The following DIAPH3 variants were observed in gnomAD, a reference collection of about 807,000 sequenced individuals.
The protein encoded by DIAPH3 is protein diaphanous homolog 3.
Under a neutral mutation model 144.3 loss-of-function variants are expected in DIAPH3, and 117 were observed. The ratio of observed to expected loss-of-function variants is 0.81; its 90% CI spans 0.70 to 0.95. The LOEUF is 0.95. DIAPH3 is among the 40% of genes least tolerant of loss of function. The probability of loss-of-function intolerance (pLI) is 0.00; values close to 1 mark genes in which losing one functional copy is unlikely to be tolerated. For missense variants in DIAPH3, 1,421 were observed against 1,412.7 expected (o/e 1.01, Z -0.09); for synonymous variants, 519 against 488.9 (o/e 1.06, Z -0.81).
chr13:60,005,393 T>C (rs2052793691), intron 9 of DIAPH3, among the ~76,000 whole-genome samples: 1 of 152,198 alleles, frequency 6.6e-6, no homozygotes, highest in African/African-American at 2.4e-5. Context: ...ATGGGGACTT[T>C]CTTTTGGGTG....
chr13:59,960,092 A>G (rs946513479), intron 17 of DIAPH3, among the ~76,000 whole-genome samples: 2 of 152,188 alleles, frequency 1.3e-5, no homozygotes, highest in African/African-American at 4.8e-5. Flanking sequence ...ACAGAATGTA[A>G]AATTCTAAGG....
intron 27 of DIAPH3, among the ~76,000 whole-genome samples, chr13:59,737,066 C>T (rs770396313): frequency 3.3e-5 from 5 of 152,106 alleles, no homozygotes; most frequent in Non-Finnish European, 7.4e-5. Context: ...ACAACCTAGG[C>T]AATACCATTC....
Position 59,879,446 on chromosome 13 carries a change from C to T in DIAPH3, c.2390G>A (p.Arg797Gln), listed in dbSNP as rs765155532. The change falls in exon 21 of 28, where the codon CGG (arginine) becomes CAG (glutamine). Residue 797 changes from arginine to glutamine, a missense_variant. Transcript: ENST00000400324. ...VVVMSNVKRLRPRLSAILFKL... is the reference protein window; with the variant it reads ...VVVMSNVKRLQPRLSAILFKL... ...AAAGAGAATAGCACTGAGCCGTGGC[C>T]GTAGTCTCTTCACATTGCTCATCTG... 61 of 1,613,512 alleles carry T rather than the reference C, an allele frequency of 3.8e-5. No individual in the cohort carries two copies. The highest frequency in any genetic ancestry group is 4.5e-5 in the Non-Finnish European group (53 of 1,179,744).
intron 12 of DIAPH3, among the ~76,000 whole-genome samples, chr13:59,987,848 A>C (rs1023157276): frequency 1.3e-5 from 2 of 151,886 alleles, no homozygotes; most frequent in Non-Finnish European, 2.9e-5. Context: ...AATGTAAATA[A>C]AACAGATAAA....
intron 4 of DIAPH3, among the ~76,000 whole-genome samples, chr13:60,067,293 AAAAG>A (rs934935407): frequency 3.9e-5 from 6 of 152,146 alleles, no homozygotes; most frequent in African/African-American, 1.2e-4. Flanking sequence ...TCAAAAAAAA[AAAAG>A]AAAGAAAATT....
At position 60,009,146 on chromosome 13, in the gene DIAPH3, A is replaced by C. The variant is rs1241754741; in HGVS notation, c.909-497T>G. ...TCACAAGTTTAAGTAAATGAAGCTG[A>C]GTGATAGTCGAAAATATATAATAGT... On this transcript the variant is annotated intron_variant, in intron 8 of 27. Transcript: ENST00000400324. Among the ~76,000 whole-genome samples, 3 of 152,324 alleles carry C rather than the reference A, an allele frequency of 2.0e-5. No homozygotes were observed. In the East Asian group the frequency reaches 5.8e-4, roughly 29 times the overall value.
intron 24 of DIAPH3, among the ~76,000 whole-genome samples, chr13:59,811,879 G>A (rs2040496064): frequency 6.6e-6 from 1 of 151,628 alleles, no homozygotes; most frequent in African/African-American, 2.4e-5. Flanking sequence ...TTTCTTAAGT[G>A]TTATACACAT....
chr13:60,066,701 C>T (rs1211873559), intron 4 of DIAPH3, among the ~76,000 whole-genome samples: 1 of 152,164 alleles, frequency 6.6e-6, no homozygotes, highest in Non-Finnish European at 1.5e-5. Context: ...ATAATCCCTG[C>T]CCTCAATGAA....
At chr13:59,789,070 GT>G (rs1315234998) in intron 25 of DIAPH3, among the ~76,000 whole-genome samples, 1 of 152,226 alleles carries the variant, frequency 6.6e-6, no homozygotes, top group Admixed American at 6.5e-5. Context: ...TCGACCTTGT[GT>G]GTTATGTAGG....
At chr13:59,909,400 A>G (rs185962878) in intron 20 of DIAPH3, among the ~76,000 whole-genome samples, 41 of 149,748 alleles carry the variant, frequency 2.7e-4, no homozygotes, top group African/African-American at 9.1e-4. Flanking sequence ...CAGGTTTCCC[A>G]CTTCTCTTTG....
intron 21 of DIAPH3, among the ~76,000 whole-genome samples, chr13:59,865,001 G>A (rs536496599): frequency 3.0e-4 from 46 of 152,104 alleles, no homozygotes; most frequent in African/African-American, 1.1e-3. Context: ...GCATGTTGTT[G>A]ATCATGCATG....
At chr13:59,896,879 T>G (rs907048971) in intron 20 of DIAPH3, among the ~76,000 whole-genome samples, 1 of 152,314 alleles carries the variant, frequency 6.6e-6, no homozygotes, top group Admixed American at 6.5e-5. Flanking sequence ...TGTGTCTCAA[T>G]ATGAGATCTG....
rs778059192 is a variant in DIAPH3 at position 59,678,572 on chromosome 13, G to GA, written c.3320-11727dup. On this transcript the variant is annotated intron_variant, in intron 27 of 27. Transcript: ENST00000400324. Reference sequence around the variant, plus strand: ...CCCTTGCTTAGACTGCTAGATCTGTGAAAAAAAATCCAGCAAACACCGTGA... The same window carrying GA: ...CCCTTGCTTAGACTGCTAGATCTGTGAAAAAAAAATCCAGCAAACACCGTGA... 9.9e-5 allele frequency among the ~76,000 whole-genome samples: 15 copies of GA among 151,980 alleles called. No individual in the cohort carries two copies. The South Asian group carries it at 2.5e-3, about 25-fold the overall frequency.
intron 25 of DIAPH3, among the ~76,000 whole-genome samples, chr13:59,784,331 T>G (rs2038913432): frequency 1.3e-5 from 2 of 151,858 alleles, no homozygotes; most frequent in Non-Finnish European, 2.9e-5. Context: ...TCCACCCGCT[T>G]TGGCCTCCCA....
intron 5 of DIAPH3, among the ~76,000 whole-genome samples, chr13:60,019,785 A>G (rs2053887425): frequency 6.6e-6 from 1 of 152,304 alleles, no homozygotes; most frequent in Non-Finnish European, 1.5e-5. Flanking sequence ...GCTTTAATAC[A>G]GAAGTAAATA....
intron 7 of DIAPH3, among the ~76,000 whole-genome samples, chr13:60,011,947 A>T (rs1027365616): frequency 6.6e-6 from 1 of 152,190 alleles, no homozygotes; most frequent in Non-Finnish European, 1.5e-5. Flanking sequence ...AATACAGAAG[A>T]TGAATAGAAA....
At chr13:59,956,282 G>A (rs183481299) in intron 17 of DIAPH3, among the ~76,000 whole-genome samples, 12 of 152,260 alleles carry the variant, frequency 7.9e-5, no homozygotes, top group Admixed American at 3.9e-4. Context: ...TCATAGGCCC[G>A]GAGACCTAGA....
At chr13:60,088,609 A>C (rs959797076) in intron 4 of DIAPH3, among the ~76,000 whole-genome samples, 1 of 152,084 alleles carries the variant, frequency 6.6e-6, no homozygotes, top group Non-Finnish European at 1.5e-5. Flanking sequence ...GGAAAGGTAT[A>C]ATGTATGTTT....
intron 17 of DIAPH3, among the ~76,000 whole-genome samples, chr13:59,957,184 G>C (rs2049458412): frequency 6.6e-6 from 1 of 152,128 alleles, no homozygotes; most frequent in Non-Finnish European, 1.5e-5. Context: ...ATGTGAGGAC[G>C]TGATATTTGG....
Sources: gnomAD v4.1 joint callset for allele counts (sites outside exome capture counted in the v4.1 genomes callset) on GRCh38, gnomAD v4.1.1 for gene constraint, MANE v1.5 for transcripts, NCBI Gene and HGNC (gene_info 2026-07-23, HGNC 2026-07-21) for gene names.